Variants in SLC44A1 observed in about 807,000 individuals in gnomAD.
SLC44A1 encodes solute carrier family 44 member 1.
In SLC44A1, 26 loss-of-function variants were observed where a neutral mutation model predicts 79.3. The ratio of observed to expected loss-of-function variants is 0.33; its 90% CI spans 0.24 to 0.46. The LOEUF (loss-of-function observed/expected upper bound fraction) is 0.46, where lower values mean the gene tolerates loss of function less well. Among genes scored for constraint, SLC44A1 ranks in the 20% least tolerant of loss-of-function variants. The pLI, the probability that SLC44A1 is intolerant of heterozygous loss-of-function variation, is 1.00. For missense variants in SLC44A1, 688 were observed against 798.1 expected (o/e 0.86, Z 1.66); for synonymous variants, 263 against 286.2 (o/e 0.92, Z 0.82).
intron 7 of SLC44A1, among the ~76,000 whole-genome samples, chr9:105,358,656 ACATATGCAGTTAAATTTTAC>A (rs1482768751): frequency 6.6e-6 from 1 of 152,146 alleles, no homozygotes; most frequent in African/African-American, 2.4e-5. Flanking sequence ...ATGTATATAA[ACATATGCAGTTAAATTTTAC>A]CAGCTGAATA....
chr9:105,371,361 G>C (rs13297922), intron 12 of SLC44A1, among the ~76,000 whole-genome samples: 2 of 152,174 alleles, frequency 1.3e-5, no homozygotes, highest in Non-Finnish European at 2.9e-5. Context: ...TTCCATCACC[G>C]TAGCATGAAA....
Position 105,362,871 on chromosome 9 carries a change from C to T in SLC44A1, c.951C>T (p.Thr317=), listed in dbSNP as rs770733177. 6.2e-7 allele frequency: 1 copy of T among 1,613,162 alleles called. No homozygotes were observed. ...TTATGCGCAAACGTGTTGCTCTTAC[C>T]ATCGCCTTGTTCCACGTAGCTGGCA... ...MLVMRKRVAL[T]IALFHVAGKV... is the part of the protein sequence containing the mutation. The change falls in exon 9 of 16, where the codon ACC becomes ACT. Residue 317 remains threonine, a synonymous_variant. Transcript: ENST00000374720.
intron 14 of SLC44A1, 49 bp from the exon 15 acceptor site, chr9:105,385,373 A>C (rs767860423): frequency 9.6e-6 from 13 of 1,353,248 alleles, no homozygotes; most frequent in Non-Finnish European, 1.3e-5. Flanking sequence ...ATCTACTAAC[A>C]AATCTGAAAG....
At chr9:105,324,251 T>A (rs1260628067) in intron 3 of SLC44A1, among the ~76,000 whole-genome samples, 85 of 130,008 alleles carry the variant, frequency 6.5e-4, no homozygotes, top group African/African-American at 2.5e-3. Flanking sequence ...GTGCCCGGAA[T>A]TTTTTTTTTT....
chr9:105,394,903 A>G lies in SLC44A1; in HGVS notation c.*5847A>G. The G allele has an allele frequency of 1.0e-6, 1 of 985,486 alleles. No individual in the cohort carries two copies. Among genetic ancestry groups the G allele is most frequent in the Non-Finnish European group, 1.2e-6 (1 of 829,976 alleles). The allele number at this position is 985,486 out of a possible 1,614,324, so 61.0% of individuals were successfully genotyped here. ...CCTCTGCCAATAGAACTCCACCCCC[A>G]GTCCCTTACCTACTCTATCTTCTTT... On this transcript the variant is annotated 3_prime_UTR_variant, in exon 16 of 16. Coordinates refer to ENST00000374720, the MANE Select transcript of SLC44A1 (RefSeq NM_080546.5).
At chr9:105,245,554 C>T (rs2131184408) in intron 1 of SLC44A1, among the ~76,000 whole-genome samples, 1 of 152,360 alleles carries the variant, frequency 6.6e-6, no homozygotes, top group South Asian at 2.1e-4. Flanking sequence ...GGCCCCGCGG[C>T]CTCCCCGCAC....
chr9:105,421,857 G>A (rs1054323654), intron 15 of SLC44A1, among the ~76,000 whole-genome samples: 3 of 152,306 alleles, frequency 2.0e-5, no homozygotes, highest in Admixed American at 2.0e-4. Context: ...AAAGTGCTGG[G>A]ATTACAGGCG....
At chr9:105,432,694 C>T (rs1829412411) in intron 15 of SLC44A1, among the ~76,000 whole-genome samples, 1 of 152,164 alleles carries the variant, frequency 6.6e-6, no homozygotes, top group African/African-American at 2.4e-5. Context: ...ACAGCTGGCA[C>T]AAGAAACATA....
In SLC44A1 at chr9:105,390,743, T is replaced by C. The variant is rs1828745183; in HGVS notation, c.*1687T>C. The C allele has an allele frequency of 1.0e-6, 1 of 985,340 alleles. No homozygotes were observed. Among genetic ancestry groups the C allele is most frequent in the African/African-American group, 1.7e-5 (1 of 57,232 alleles). The allele number at this position is 985,340 out of a possible 1,614,324, so 61.0% of individuals were successfully genotyped here. A position where few individuals can be genotyped will look rare whatever the true frequency, so the allele number is the denominator to read the frequency against. On this transcript the variant is annotated 3_prime_UTR_variant, in exon 16 of 16. Transcript: ENST00000374720. ...TTAAAAGTTCATGTAATATTTCTGA[T>C]TTTTCAGAATATTTGCAATAAGAGT... is the stretch of plus-strand genomic sequence containing the variant.
chr9:105,408,700 C>T (rs1020148770), intron 15 of SLC44A1, among the ~76,000 whole-genome samples: 3 of 152,096 alleles, frequency 2.0e-5, no homozygotes, highest in Non-Finnish European at 2.9e-5. Flanking sequence ...CGTGAGCCAC[C>T]GCACCCGGCC....
At chr9:105,317,482 C>T (rs1224305381) in intron 3 of SLC44A1, among the ~76,000 whole-genome samples, 1 of 151,930 alleles carries the variant, frequency 6.6e-6, no homozygotes, top group Admixed American at 6.6e-5. Context: ...CAAGTAAAGT[C>T]GGCTGTGGAA....
intron 15 of SLC44A1, among the ~76,000 whole-genome samples, chr9:105,422,382 G>A (rs924556559): frequency 1.4e-5 from 2 of 145,030 alleles, no homozygotes; most frequent in South Asian, 2.2e-4. Flanking sequence ...TCTGCATCCC[G>A]GGTTCAAGCA....
intron 3 of SLC44A1, among the ~76,000 whole-genome samples, chr9:105,310,754 A>C (rs1227712100): frequency 6.6e-6 from 1 of 152,234 alleles, no homozygotes; most frequent in Admixed American, 6.5e-5. Context: ...CTGGGCCCCT[A>C]GTGGGAAGTA....
rs550559152 is a variant in SLC44A1, at chr9:105,322,245, A to C, written c.269+12379A>C. 4.5e-3 allele frequency among the ~76,000 whole-genome samples: 679 copies of C among 152,320 alleles called. 1 individual carries two copies. The highest frequency in any genetic ancestry group is 6.3e-3 in the Non-Finnish European group (430 of 68,032). The stretch of plus-strand genomic sequence containing the variant: ...ACATATGGGTTTCACCATGGGTTGG[A>C]TATAAGACAACAGGGAATATTGGAC... On this transcript the variant is annotated intron_variant, in intron 3 of 15. Transcript: ENST00000374720.
intron 15 of SLC44A1, among the ~76,000 whole-genome samples, chr9:105,417,313 A>G (rs557024506): frequency 4.6e-5 from 7 of 152,262 alleles, no homozygotes; most frequent in Admixed American, 1.3e-4. Context: ...GCCTTTCACA[A>G]CAGGGTAAGA....
rs1040146479 is a variant in SLC44A1 at position 105,419,760 on chromosome 9, C to T, written c.1951-18521C>T. Among the ~76,000 whole-genome samples, 8 of 151,838 alleles carry T rather than the reference C, an allele frequency of 5.3e-5. No homozygotes were observed. In the East Asian group the frequency reaches 1.6e-3, roughly 30 times the overall value. On this transcript the variant is annotated intron_variant, in intron 15 of 15. Transcript: ENST00000374724. ...TGAAACCTCATCTCTACTAAAAATA[C>T]AAAAATTAGCCGGGCATGGTGGCAT...
intron 4 of SLC44A1, among the ~76,000 whole-genome samples, chr9:105,347,249 G>A (rs917621711): frequency 1.3e-5 from 2 of 151,898 alleles, no homozygotes; most frequent in Non-Finnish European, 2.9e-5. Flanking sequence ...CAATATAAAA[G>A]TTCAGTATCT....
intron 3 of SLC44A1, among the ~76,000 whole-genome samples, chr9:105,312,286 T>C (rs1005460704): frequency 6.6e-6 from 1 of 152,180 alleles, no homozygotes; most frequent in African/African-American, 2.4e-5. Flanking sequence ...AAATGTCACT[T>C]CCCAGAGAGG....
intron 1 of SLC44A1, among the ~76,000 whole-genome samples, chr9:105,297,469 C>T (rs865930123): frequency 1.3e-5 from 2 of 152,080 alleles, no homozygotes; most frequent in African/African-American, 2.4e-5. Context: ...CCACAACCTC[C>T]GCCTCCCGGG....
Sources: allele counts gnomAD v4.1 joint callset (sites outside exome capture counted in the v4.1 genomes callset), GRCh38; gene constraint gnomAD v4.1.1; transcripts MANE v1.5; gene names NCBI Gene and HGNC (gene_info 2026-07-23, HGNC 2026-07-21).